ANO4: variants seen among roughly 807,000 people sequenced by gnomAD.
ANO4 encodes the protein anoctamin 4.
In ANO4, 69 loss-of-function variants were observed where a neutral mutation model predicts 141.9. The observed-to-expected ratio is 0.49, with a 90% CI of 0.40 to 0.59. The LOEUF (loss-of-function observed/expected upper bound fraction) is 0.59, where lower values mean the gene tolerates loss of function less well. Among genes scored for constraint, ANO4 ranks in the 20% least tolerant of loss-of-function variants. The pLI is 0.00. For missense variants in ANO4, 894 were observed against 1,162.2 expected, an observed-to-expected ratio of 0.77 and a Z score of 3.36; for synonymous variants, 350 against 394.3, an observed-to-expected ratio of 0.89 and a Z score of 1.33.
intron 5 of ANO4, among the ~76,000 whole-genome samples, chr12:100,955,451 C>T (rs1460107607): frequency 6.6e-6 from 1 of 152,096 alleles, no homozygotes; most frequent in South Asian, 2.1e-4. Flanking sequence ...TCTAGGAGAA[C>T]AAGGTAAAAG....
At chr12:101,010,203 G>A (rs2046027547) in intron 8 of ANO4, among the ~76,000 whole-genome samples, 1 of 152,086 alleles carries the variant, frequency 6.6e-6, no homozygotes, top group African/African-American at 2.4e-5. Flanking sequence ...CACTATGCAT[G>A]TTACTATCAT....
intron 12 of ANO4, 46 bp from the exon 13 acceptor site, chr12:101,043,493 A>G (rs761210462): frequency 2.1e-5 from 30 of 1,443,918 alleles, no homozygotes; most frequent in Admixed American, 6.8e-5. Flanking sequence ...TTAGAAAAAA[A>G]TGTTCCATGT....
rs892694744 is a variant in ANO4 at position 100,974,867 on chromosome 12, C to T, written c.580C>T (p.Arg194Cys). The stretch of plus-strand genomic sequence containing the variant: ...CAGGAGAAAAATCTATTACCTGCCC[C>T]GCCGTTACAAGTTCATGAGCAGGTT... ...PFRRKIYYLP[R>C]RYKFMSRIDK... Residue 194 changes from arginine (R) to cysteine (C), a missense_variant, in exon 7 of 28, where the codon CGC becomes TGC. Physicochemically the swap from Arg to Cys is radical, Grantham distance 180 (BLOSUM62 -3). Coordinates refer to ENST00000392977, the MANE Select transcript of ANO4 (RefSeq NM_001286615.2). 8.7e-6 allele frequency: 14 copies of T among 1,614,048 alleles called. No homozygotes were observed. Among genetic ancestry groups the T allele is most frequent in the East Asian group, 2.2e-5 (1 of 44,866 alleles).
intron 1 of ANO4, among the ~76,000 whole-genome samples, chr12:100,825,451 A>G (rs1172804095): frequency 6.6e-6 from 1 of 152,036 alleles, no homozygotes; most frequent in Non-Finnish European, 1.5e-5. Flanking sequence ...TAAAAAGGAA[A>G]ATCTGGAATT....
At chr12:101,014,067 T>C (rs997257858) in intron 8 of ANO4, among the ~76,000 whole-genome samples, 7 of 152,158 alleles carry the variant, frequency 4.6e-5, no homozygotes, top group Non-Finnish European at 7.4e-5. Context: ...AGAAACTAGG[T>C]TTTTTTCACC....
At chr12:100,974,727 TTTC>T (rs1441063437) in intron 6 of ANO4, 115 bp from the exon 7 acceptor site, 3 of 1,126,380 alleles carry the variant, frequency 2.7e-6, no homozygotes, top group East Asian at 2.4e-5. Context: ...TTTTTAGTTT[TTTC>T]TTCTTCACCT....
chr12:100,851,561 T>C (rs1455950813), intron 1 of ANO4, among the ~76,000 whole-genome samples: 1 of 152,254 alleles, frequency 6.6e-6, no homozygotes, highest in African/African-American at 2.4e-5. Flanking sequence ...GTGAATTCTT[T>C]CTTTGCTTTT....
At chr12:100,936,338 G>A (rs1037907718) in intron 3 of ANO4, among the ~76,000 whole-genome samples, 9 of 152,002 alleles carry the variant, frequency 5.9e-5, no homozygotes, top group Admixed American at 4.6e-4. Context: ...GATGTATAGC[G>A]GCATCCCTGG....
intron 5 of ANO4, among the ~76,000 whole-genome samples, chr12:100,965,289 C>G (rs1232781120): frequency 6.6e-6 from 1 of 152,038 alleles, no homozygotes; most frequent in African/African-American, 2.4e-5. Flanking sequence ...TTTGTTCAGT[C>G]CCAAGTTCTT....
intron 11 of ANO4, among the ~76,000 whole-genome samples, chr12:101,041,360 T>A (rs1482888186): frequency 6.6e-6 from 1 of 152,200 alleles, no homozygotes; most frequent in Non-Finnish European, 1.5e-5. Flanking sequence ...TGAGATAAGA[T>A]CATTTTCCTT....
At chr12:100,974,456 G>A (rs1013718207) in intron 6 of ANO4, among the ~76,000 whole-genome samples, 2 of 151,982 alleles carry the variant, frequency 1.3e-5, no homozygotes, top group African/African-American at 2.4e-5. Flanking sequence ...ATATAATAGC[G>A]TGCCCACTAA....
intron 1 of ANO4, among the ~76,000 whole-genome samples, chr12:100,852,905 T>G (rs1045372230): frequency 1.6e-4 from 25 of 152,298 alleles, no homozygotes; most frequent in African/African-American, 5.3e-4. Context: ...TCGATAACAC[T>G]CAAAGTTAGC....
upstream of ANO4, among the ~76,000 whole-genome samples, chr12:100,793,003 T>G (rs2034106837): frequency 6.6e-6 from 1 of 152,238 alleles, no homozygotes; most frequent in Non-Finnish European, 1.5e-5. Context: ...ATTCAGAGCT[T>G]TGAGGCTAAA....
chr12:100,767,687 A>G (rs747158670), intron 3 of ANO4, among the ~76,000 whole-genome samples: 1 of 152,246 alleles, frequency 6.6e-6, no homozygotes, highest in Non-Finnish European at 1.5e-5. Flanking sequence ...TTTAAAACCT[A>G]TGAATTGTTT....
intron 1 of ANO4, among the ~76,000 whole-genome samples, chr12:100,881,991 G>A (rs771121079): frequency 6.6e-6 from 1 of 152,026 alleles, no homozygotes; most frequent in East Asian, 1.9e-4. Flanking sequence ...TCTAAAAGTG[G>A]TATTGACAAG....
chr12:101,126,930 CCAAAAGACCTAA>C lies in ANO4; in HGVS notation c.2729_2740del (p.Pro910_Leu913del). 1 of 1,614,122 alleles carries C rather than the reference CCAAAAGACCTAA, an allele frequency of 6.2e-7. No individual in the cohort carries two copies. The highest frequency in any genetic ancestry group is 1.3e-5 in the African/African-American group (1 of 75,014). ...CATTTCATATCTGATCCCAGACCTC[CCAAAAGACCTAA>C]GGGATCGAATGAGAAGAGAGAAGTA... On this transcript the variant is annotated inframe_deletion, in exon 27 of 28. Coordinates refer to ENST00000392977, the MANE Select transcript of ANO4 (RefSeq NM_001286615.2).
intron 8 of ANO4, among the ~76,000 whole-genome samples, chr12:100,988,064 T>C (rs944735929): frequency 2.0e-5 from 3 of 151,680 alleles, no homozygotes; most frequent in Non-Finnish European, 4.4e-5. Context: ...GAAAAGAGGG[T>C]TTTTTGTTTT....
chr12:100,762,959 T>C (rs2135530678), intron 3 of ANO4, among the ~76,000 whole-genome samples: 1 of 152,302 alleles, frequency 6.6e-6, no homozygotes, highest in Non-Finnish European at 1.5e-5. Flanking sequence ...CAGAACAGCC[T>C]TTTGAAGTAC....
intron 25 of ANO4, among the ~76,000 whole-genome samples, chr12:101,118,872 C>T (rs996095494): frequency 6.7e-5 from 9 of 134,346 alleles, no homozygotes; most frequent in South Asian, 2.9e-4. Flanking sequence ...CCCCCCTCCC[C>T]CCACCCCACG....
Sources: allele counts gnomAD v4.1 joint callset (sites outside exome capture counted in the v4.1 genomes callset), GRCh38; gene constraint gnomAD v4.1.1; transcripts MANE v1.5; gene names NCBI Gene and HGNC (gene_info 2026-07-23, HGNC 2026-07-21).